LRRC4C: variants seen among roughly 807,000 people sequenced by gnomAD.
LRRC4C encodes the protein leucine rich repeat containing 4C, also known as leucine-rich repeat-containing protein 4C.
Under a neutral mutation model 33.6 loss-of-function variants are expected in LRRC4C, and 5 were observed. The ratio of observed to expected loss-of-function variants is 0.15; its 90% CI spans 0.08 to 0.31. LRRC4C has a LOEUF of 0.31. LRRC4C is among the 10% of genes least tolerant of loss of function. The probability of loss-of-function intolerance (pLI) is 1.00; values close to 1 mark genes in which losing one functional copy is unlikely to be tolerated. For missense variants in LRRC4C, 560 were observed against 796.7 expected, an observed-to-expected ratio of 0.70 and a Z score of 3.58; for synonymous variants, 329 against 302.0, an observed-to-expected ratio of 1.09 and a Z score of -0.93.
chr11:40,996,889 C>T (rs572445551), intron 1 of LRRC4C, among the ~76,000 whole-genome samples: 7 of 152,164 alleles, frequency 4.6e-5, no homozygotes, highest in South Asian at 4.1e-4. Context: ...ATGAGGGATC[C>T]GTCCCCATGA....
At chr11:40,199,317 C>T (rs1862517115) in intron 5 of LRRC4C, among the ~76,000 whole-genome samples, 1 of 152,264 alleles carries the variant, frequency 6.6e-6, no homozygotes, top group East Asian at 1.9e-4. Context: ...GTGATCCACC[C>T]ATGTCGGTAT....
At chr11:41,151,670 T>C (rs1944005687) in intron 1 of LRRC4C, among the ~76,000 whole-genome samples, 1 of 152,202 alleles carries the variant, frequency 6.6e-6, no homozygotes, top group African/African-American at 2.4e-5. Flanking sequence ...CCCTCTGGCA[T>C]GTACAGTATA....
chr11:40,984,356 GAAAGA>G (rs1488762960), intron 1 of LRRC4C, among the ~76,000 whole-genome samples: 2 of 84,508 alleles, frequency 2.4e-5, no homozygotes, highest in Non-Finnish European at 5.2e-5. Flanking sequence ...GAAAGAGAAA[GAAAGA>G]AAAAAGAAAG....
intron 1 of LRRC4C, among the ~76,000 whole-genome samples, chr11:41,308,656 C>G (rs1950567360): frequency 6.6e-6 from 1 of 152,148 alleles, no homozygotes. Flanking sequence ...TCTCTCCCAG[C>G]CCAGCTCCCC....
At chr11:40,730,578 A>C (rs143515160) in intron 2 of LRRC4C, among the ~76,000 whole-genome samples, 120 of 152,336 alleles carry the variant, frequency 7.9e-4, no homozygotes, top group Non-Finnish European at 1.6e-3. Context: ...AAATAATTTT[A>C]AAATAGTGCA....
chr11:40,700,979 G>A (rs912989166), intron 2 of LRRC4C, among the ~76,000 whole-genome samples: 3 of 152,180 alleles, frequency 2.0e-5, no homozygotes, highest in Admixed American at 6.5e-5. Context: ...ACATATTTTC[G>A]TTTTTCCCTT....
chr11:41,006,895 A>G (rs1481999770), intron 1 of LRRC4C, among the ~76,000 whole-genome samples: 1 of 152,130 alleles, frequency 6.6e-6, no homozygotes, highest in East Asian at 1.9e-4. Flanking sequence ...ATTTCTTCTT[A>G]AAGAAATCCT....
intron 1 of LRRC4C, among the ~76,000 whole-genome samples, chr11:41,319,822 A>G (rs1026861554): frequency 2.6e-5 from 4 of 152,288 alleles, no homozygotes; most frequent in Non-Finnish European, 5.9e-5. Flanking sequence ...AAGTGCTGGG[A>G]TTACAGACAT....
chr11:40,354,654 G>C (rs1400356702), intron 3 of LRRC4C, among the ~76,000 whole-genome samples: 1 of 152,072 alleles, frequency 6.6e-6, no homozygotes, highest in East Asian at 1.9e-4. Context: ...GGCTACTGCC[G>C]ATGTCCATCC....
At chr11:41,366,226 ATAG>A (rs1952536249) in intron 1 of LRRC4C, among the ~76,000 whole-genome samples, 1 of 146,060 alleles carries the variant, frequency 6.8e-6, no homozygotes, top group African/African-American at 2.8e-5. Flanking sequence ...AGATAGATAG[ATAG>A]ATAGATAGAT....
intron 3 of LRRC4C, among the ~76,000 whole-genome samples, chr11:40,483,975 T>G (rs190908372): frequency 6.6e-6 from 1 of 152,136 alleles, no homozygotes; most frequent in East Asian, 1.9e-4. Context: ...ACCCCTGACT[T>G]AACCAATAAT....
rs2135315753 is a variant in LRRC4C, at chr11:40,531,781, T to C, written c.-270+116361A>G. Among the ~76,000 whole-genome samples, 2 of 151,858 alleles carry C rather than the reference T, an allele frequency of 1.3e-5. 1 individual carries two copies. The highest frequency in any genetic ancestry group is 4.2e-4 in the South Asian group (2 of 4,814). ...AATCATCTTGATCAAAGAGACTCAT[T>C]ATATAAAATTTATGTTTGTTTGGTG... On this transcript the variant is annotated intron_variant, in intron 3 of 6. Transcript: ENST00000528697.
At chr11:40,458,141 G>C (rs1000106524) in intron 3 of LRRC4C, among the ~76,000 whole-genome samples, 14 of 152,120 alleles carry the variant, frequency 9.2e-5, no homozygotes, top group Non-Finnish European at 1.9e-4. Context: ...AAGATAAAAA[G>C]TTGTAAATCA....
At chr11:41,273,272 C>T (rs1360601634) in intron 1 of LRRC4C, among the ~76,000 whole-genome samples, 2 of 152,086 alleles carry the variant, frequency 1.3e-5, no homozygotes, top group East Asian at 3.9e-4. Context: ...CATCCCACTT[C>T]CGGTTATGTA....
chr11:40,638,404 T>A (rs1164441397), intron 3 of LRRC4C, among the ~76,000 whole-genome samples: 3 of 152,202 alleles, frequency 2.0e-5, no homozygotes, highest in Non-Finnish European at 4.4e-5. Flanking sequence ...TCTGTTCCAT[T>A]TCTTCCTCTG....
chr11:40,696,158 T>G (rs1358179372), intron 2 of LRRC4C, among the ~76,000 whole-genome samples: 1 of 148,336 alleles, frequency 6.7e-6, no homozygotes. Context: ...ACAAGCAATC[T>G]AAGAAATAGA....
intron 3 of LRRC4C, among the ~76,000 whole-genome samples, chr11:40,496,636 T>A (rs904122152): frequency 1.3e-5 from 2 of 152,158 alleles, no homozygotes; most frequent in African/African-American, 4.8e-5. Context: ...CAATCATTTT[T>A]CTGCCTTCAT....
At chr11:40,680,314 G>A (rs1355915665) in intron 2 of LRRC4C, among the ~76,000 whole-genome samples, 1 of 152,186 alleles carries the variant, frequency 6.6e-6, no homozygotes, top group Non-Finnish European at 1.5e-5. Context: ...ACTTTGGACT[G>A]TGGACTGTTT....
intron 5 of LRRC4C, among the ~76,000 whole-genome samples, chr11:40,148,351 T>C (rs1206917129): frequency 3.3e-5 from 5 of 152,214 alleles, no homozygotes; most frequent in African/African-American, 1.2e-4. Context: ...ATCTGTCATT[T>C]TTTGACTTTT....
Sources: gnomAD v4.1 joint callset for allele counts (sites outside exome capture counted in the v4.1 genomes callset) on GRCh38, gnomAD v4.1.1 for gene constraint, MANE v1.5 for transcripts, NCBI Gene and HGNC (gene_info 2026-07-23, HGNC 2026-07-21) for gene names.